The following PCDHA12 variants were observed in gnomAD, a reference collection of about 807,000 sequenced individuals.
PCDHA12 encodes protocadherin alpha 12, also known as protocadherin alpha-12.
A neutral mutation model predicts 60.0 loss-of-function variants in PCDHA12; 44 were observed. That is an observed-to-expected ratio of 0.73 (90% CI 0.58 to 0.94). PCDHA12 has a LOEUF of 0.94. PCDHA12 is among the 40% of genes least tolerant of loss of function. The probability of loss-of-function intolerance (pLI) is 0.00; values close to 1 mark genes in which losing one functional copy is unlikely to be tolerated. For missense variants in PCDHA12, 1,276 were observed against 1,239.7 expected (o/e 1.03, Z -0.44); for synonymous variants, 569 against 553.0 (o/e 1.03, Z -0.40).
In PCDHA12 at chr5:141,010,293, GC is replaced by G; in HGVS notation, c.*357del. The G allele has an allele frequency of 6.5e-7, 1 of 1,549,794 alleles. No individual in the cohort carries two copies. The highest frequency in any genetic ancestry group is 8.7e-7 in the Non-Finnish European group (1 of 1,146,454). On this transcript the variant is annotated 3_prime_UTR_variant, in exon 4 of 4. Transcript: ENST00000398631. ...ATCCTGTCTTGATGACACTTGCAGG[GC>G]AGGCTGAAAAGTTTTGAGATTGAGC...
rs1554225842 is a variant in PCDHA12 at position 140,962,164 on chromosome 5, C to T, written c.2368-16785C>T. Among the ~76,000 whole-genome samples the T allele has an allele frequency of 2.0e-5, 3 of 152,236 alleles. No individual in the cohort carries two copies. In the South Asian group the frequency reaches 6.2e-4, roughly 32 times the overall value. On this transcript the variant is annotated intron_variant, in intron 1 of 3. Transcript: ENST00000398631. ...TGCTGGGATTACAGGCGTGAGCCAC[C>T]ACACCCGGCCACTTATATCACTTTT...
intron 3 of PCDHA12, among the ~76,000 whole-genome samples, chr5:141,000,417 A>AT (rs1563652061): frequency 7.5e-4 from 58 of 77,708 alleles, no homozygotes; most frequent in African/African-American, 1.3e-3. Context: ...ATATATATAT[A>AT]TATATTTTTT....
At chr5:140,995,738 T>G (rs1441000111) in intron 3 of PCDHA12, among the ~76,000 whole-genome samples, 1 of 152,150 alleles carries the variant, frequency 6.6e-6, no homozygotes, top group Non-Finnish European at 1.5e-5. Context: ...CTGGTGGATT[T>G]GGTATATCAT....
At chr5:140,949,682 A>T (rs1229666281) in intron 1 of PCDHA12, among the ~76,000 whole-genome samples, 3 of 151,768 alleles carry the variant, frequency 2.0e-5, no homozygotes, top group Non-Finnish European at 4.4e-5. Context: ...CCCTTGTTGA[A>T]GCGTATTGTT....
intron 1 of PCDHA12, among the ~76,000 whole-genome samples, chr5:140,915,707 T>C (rs545075490): frequency 1.3e-4 from 19 of 151,930 alleles, no homozygotes; most frequent in Non-Finnish European, 2.6e-4. Flanking sequence ...AGCACTCCTG[T>C]GGCCCCCACT....
At position 141,010,838 on chromosome 5, in the gene PCDHA12, T is replaced by G. The variant is rs2154002200; in HGVS notation, c.*901T>G. 1.3e-5 allele frequency: 2 copies of G among 153,860 alleles called. No homozygotes were observed. The highest frequency in any genetic ancestry group is 2.9e-5 in the Non-Finnish European group (2 of 68,042). The allele number at this position is 153,860 out of a possible 1,614,324, so 9.5% of individuals were successfully genotyped here. On this transcript the variant is annotated 3_prime_UTR_variant, in exon 4 of 4. Coordinates refer to ENST00000398631, the MANE Select transcript of PCDHA12 (RefSeq NM_018903.4). ...TTTCGCTGTTTGTTGTTTCATAGAT[T>G]TATTTAAAAAAAGAGAAAGTCTATA...
At chr5:140,913,797 A>T (rs546197577) in intron 1 of PCDHA12, among the ~76,000 whole-genome samples, 1 of 152,210 alleles carries the variant, frequency 6.6e-6, no homozygotes, top group Admixed American at 6.5e-5. Context: ...ATTTGTTTGA[A>T]TCAAATTTTC....
At chr5:140,997,466 T>G (rs2097771241) in intron 3 of PCDHA12, among the ~76,000 whole-genome samples, 2 of 152,186 alleles carry the variant, frequency 1.3e-5, no homozygotes, top group Admixed American at 1.3e-4. Context: ...CTGTAGGCAA[T>G]TTTTACACAA....
intron 3 of PCDHA12, among the ~76,000 whole-genome samples, chr5:140,992,399 A>G (rs1276372325): frequency 1.3e-5 from 2 of 152,138 alleles, no homozygotes; most frequent in Admixed American, 6.6e-5. Context: ...ACTTAGAGAT[A>G]TTGTTCTGCC....
At position 140,876,455 on chromosome 5, in the gene PCDHA12, C is replaced by T. The variant is rs1554168573; in HGVS notation, c.983C>T (p.Pro328Leu). The change falls in exon 1 of 4, where the codon CCT (proline) becomes CTT (leucine). Residue 328 changes from proline (P) to leucine (L), a missense_variant. By Grantham distance (98) the Pro-to-Leu change is moderately conservative. Transcript: ENST00000398631. ...IQVNAIDKGI[P>L]SMAGHSMVLV... ...GTTAACGCCATTGATAAAGGGATTCCTTCCATGGCAGGTCACAGCATGGTC... is the reference window on the plus strand; with the variant it reads ...GTTAACGCCATTGATAAAGGGATTCTTTCCATGGCAGGTCACAGCATGGTC... The T allele has an allele frequency of 6.2e-7, 1 of 1,613,874 alleles. No homozygotes were observed. Among genetic ancestry groups the T allele is most frequent in the African/African-American group, 1.3e-5 (1 of 74,928 alleles).
intron 1 of PCDHA12, among the ~76,000 whole-genome samples, chr5:140,902,203 C>CTT (rs148688132): frequency 1.7e-4 from 21 of 124,438 alleles, no homozygotes; most frequent in East Asian, 4.4e-4. Context: ...CTCTCTCTTT[C>CTT]TTTTTTTTTT....
intron 3 of PCDHA12, among the ~76,000 whole-genome samples, chr5:140,994,613 G>A (rs1452021453): frequency 2.0e-5 from 3 of 152,082 alleles, no homozygotes; most frequent in Admixed American, 6.5e-5. Flanking sequence ...GCTGAGGCAC[G>A]AGAGTCACTT....
intron 3 of PCDHA12, among the ~76,000 whole-genome samples, chr5:140,992,004 G>A (rs1165725360): frequency 2.0e-5 from 3 of 147,598 alleles, no homozygotes; most frequent in Non-Finnish European, 3.0e-5. Context: ...TTCATGTTCA[G>A]GCAGAGGTGG....
chr5:140,889,856 G>GT (rs1471217688), intron 1 of PCDHA12, among the ~76,000 whole-genome samples: 17 of 152,122 alleles, frequency 1.1e-4, no homozygotes, highest in African/African-American at 4.1e-4. Context: ...GAGAATATTT[G>GT]TTTTGGGGGA....
chr5:140,983,518 C>T (rs1417635641), intron 3 of PCDHA12, among the ~76,000 whole-genome samples: 1 of 152,130 alleles, frequency 6.6e-6, no homozygotes, highest in African/African-American at 2.4e-5. Context: ...AGACACTGTG[C>T]CAAGTACATT....
chr5:140,929,722 T>G (rs558208996), intron 1 of PCDHA12: 1 of 221,696 alleles, frequency 4.5e-6, no homozygotes, highest in Non-Finnish European at 9.4e-6. Flanking sequence ...AGGTGAAACA[T>G]TTACTTAAAC....
At chr5:140,969,459 G>A (rs1554231863) in intron 1 of PCDHA12, 1 of 1,503,404 alleles carries the variant, frequency 6.7e-7, no homozygotes, top group Non-Finnish European at 8.9e-7. Flanking sequence ...AGTATATATA[G>A]TATCCACAAT....
In PCDHA12 at chr5:141,011,716, A is replaced by G. The variant is rs975588316; in HGVS notation, c.*1779A>G. 6.5e-6 allele frequency: 1 copy of G among 153,764 alleles called. No homozygotes were observed. Among genetic ancestry groups the G allele is most frequent in the African/African-American group, 2.4e-5 (1 of 41,450 alleles). 9.5% of individuals were successfully genotyped at this position (153,764 alleles called of 1,614,324 possible). On this transcript the variant is annotated 3_prime_UTR_variant, in exon 4 of 4. Transcript: ENST00000398631. Reference sequence around the variant, plus strand: ...TTGGAATGAATACTGACAATATTCCATGAGGGTGTGCAAGCACAAATTTTA... The same window carrying G: ...TTGGAATGAATACTGACAATATTCCGTGAGGGTGTGCAAGCACAAATTTTA...
chr5:140,876,935 C>T lies in PCDHA12; in HGVS notation c.1463C>T (p.Ala488Val), dbSNP rs1554169119. The change falls in exon 1 of 4, where the codon GCG (alanine) becomes GTG (valine). Residue 488 changes from alanine (A) to valine (V), a missense_variant. Coordinates refer to ENST00000398631, the MANE Select transcript of PCDHA12 (RefSeq NM_018903.4). ...TGGGACGCGGACGCGCAGAAGAACG[C>T]GCTGGTGTCCTACTCGCTGGTGGAG... The part of the protein sequence containing the change: ...SAWDADAQKN[A>V]LVSYSLVERR... 6.2e-7 allele frequency: 1 copy of T among 1,613,746 alleles called. No individual in the cohort carries two copies. The highest frequency in any genetic ancestry group is 8.5e-7 in the Non-Finnish European group (1 of 1,179,900).
Sources: allele counts gnomAD v4.1 joint callset (sites outside exome capture counted in the v4.1 genomes callset), GRCh38; gene constraint gnomAD v4.1.1; transcripts MANE v1.5; gene names NCBI Gene and HGNC (gene_info 2026-07-23, HGNC 2026-07-21).